Variants in OTULINL observed in about 807,000 individuals in gnomAD.
OTULINL encodes the protein inactive ubiquitin thioesterase OTULINL.
A neutral mutation model predicts 43.9 loss-of-function variants in OTULINL; 42 were observed. That is an observed-to-expected ratio of 0.96 (90% CI 0.75 to 1.24). The LOEUF is 1.24. Ranked by LOEUF, OTULINL falls within the 50% of genes most tolerant of loss-of-function variation. The pLI is 0.00. For synonymous variants in OTULINL, 172 were observed against 153.6 expected (o/e 1.12, Z -0.88); for missense variants, 411 against 426.4 (o/e 0.96, Z 0.32).
Position 14,601,260 on chromosome 5 carries a change from C to A in OTULINL, c.256+16C>A, listed in dbSNP as rs1053941057. On this transcript the variant is annotated intron_variant, in intron 3 of 7. Transcript: ENST00000274217. ...AAATTCAAAAGTAAATATTTTCATT[C>A]ATTTATTTCTTTATTTTTAAGGTGC... The A allele has an allele frequency of 1.9e-6, 3 of 1,609,428 alleles. No homozygotes were observed. Among genetic ancestry groups the A allele is most frequent in the African/African-American group, 1.3e-5 (1 of 74,614 alleles).
At chr5:14,593,597 A>G (rs762120560) in intron 1 of OTULINL, among the ~76,000 whole-genome samples, 1 of 152,236 alleles carries the variant, frequency 6.6e-6, no homozygotes, top group Non-Finnish European at 1.5e-5. Flanking sequence ...AGCCTATCCC[A>G]TCTATAGCTT....
intron 5 of OTULINL, 67 bp from the exon 6 acceptor site, chr5:14,607,263 A>G (rs1028478458): frequency 2.0e-5 from 31 of 1,528,514 alleles, no homozygotes; most frequent in Admixed American, 1.8e-4. Flanking sequence ...GTGCTGTGCT[A>G]TACAGCAAAT....
At chr5:14,585,049 A>G (rs1759083213) in intron 1 of OTULINL, among the ~76,000 whole-genome samples, 1 of 152,138 alleles carries the variant, frequency 6.6e-6, no homozygotes, top group Non-Finnish European at 1.5e-5. Context: ...TTCCCTCCGC[A>G]TGCACTGCCA....
chr5:14,589,761 G>A (rs1759166697), intron 1 of OTULINL, among the ~76,000 whole-genome samples: 1 of 152,082 alleles, frequency 6.6e-6, no homozygotes, highest in African/African-American at 2.4e-5. Flanking sequence ...GACCAGCCTG[G>A]CCAACATGGT....
intron 1 of OTULINL, among the ~76,000 whole-genome samples, chr5:14,585,855 G>A (rs567467880): frequency 6.6e-6 from 1 of 152,198 alleles, no homozygotes; most frequent in East Asian, 1.9e-4. Context: ...CAGAGTTCTA[G>A]CTTCTACCTG....
chr5:14,610,005 C>A, intron 7 of OTULINL, 136 bp from the exon 8 acceptor site: 1 of 647,874 alleles, frequency 1.5e-6, no homozygotes, highest in Non-Finnish European at 2.7e-6. Context: ...ACTCTGTGCC[C>A]ACTCAGTGGT....
At chr5:14,598,298 C>T (rs1759326568) in intron 1 of OTULINL, among the ~76,000 whole-genome samples, 1 of 152,168 alleles carries the variant, frequency 6.6e-6, no homozygotes. Flanking sequence ...AAAAGGCCTT[C>T]AGAGAAGAAG....
intron 1 of OTULINL, among the ~76,000 whole-genome samples, chr5:14,593,322 G>C (rs1759235891): frequency 6.6e-6 from 1 of 152,170 alleles, no homozygotes; most frequent in African/African-American, 2.4e-5. Flanking sequence ...TTTATATTCA[G>C]ATAGTGCTTT....
chr5:14,587,702 C>G (rs901262990), intron 1 of OTULINL, among the ~76,000 whole-genome samples: 1 of 152,128 alleles, frequency 6.6e-6, no homozygotes, highest in Non-Finnish European at 1.5e-5. Context: ...TGGTATATCC[C>G]TCTATTTTTG....
rs1759595280 is a variant in OTULINL at position 14,612,352 on chromosome 5, A to G, written c.*2038A>G. ...AGTGTAATTATTTCCACATCAATCC[A>G]GGACTGAAAGGAAAAATTTTTTCAC... On this transcript the variant is annotated 3_prime_UTR_variant, in exon 8 of 8. Coordinates refer to ENST00000274217, the MANE Select transcript of OTULINL (RefSeq NM_019018.3). 1 of 152,210 alleles carries G rather than the reference A, an allele frequency of 6.6e-6. No homozygotes were observed. The highest frequency in any genetic ancestry group is 6.5e-5 in the Admixed American group (1 of 15,290). The allele number at this position is 152,210 out of a possible 1,614,324, so 9.4% of individuals were successfully genotyped here.
rs1759656778 is a variant in OTULINL at position 14,615,398 on chromosome 5, A to G, written c.*5084A>G. ...TGGGTGCCGGCTTTTCTGCTGGACTAAGATTCATGGAAAGAACCCCAGGGC... is the reference window on the plus strand; with the variant it reads ...TGGGTGCCGGCTTTTCTGCTGGACTGAGATTCATGGAAAGAACCCCAGGGC... On this transcript the variant is annotated 3_prime_UTR_variant, in exon 8 of 8. Transcript: ENST00000274217. Among the ~76,000 whole-genome samples, 1 of 152,158 alleles carries G rather than the reference A, an allele frequency of 6.6e-6. No individual in the cohort carries two copies. Among genetic ancestry groups the G allele is most frequent in the Non-Finnish European group, 1.5e-5 (1 of 68,002 alleles).
In OTULINL at chr5:14,613,897, C is replaced by T. The variant is rs1024203102; in HGVS notation, c.*3583C>T. 3.9e-5 allele frequency among the ~76,000 whole-genome samples: 6 copies of T among 152,174 alleles called. No homozygotes were observed. Among genetic ancestry groups the T allele is most frequent in the African/African-American group, 1.4e-4 (6 of 41,450 alleles). On this transcript the variant is annotated 3_prime_UTR_variant, in exon 8 of 8. Transcript: ENST00000274217. The stretch of plus-strand genomic sequence containing the variant: ...TGGGTATTGGATGGAAATATTTGTT[C>T]TCAGTCAGATGAGTTTCTCCTATTT...
Position 14,610,386 on chromosome 5 carries a change from A to G in OTULINL, c.*72A>G. 1 of 1,502,944 alleles carries G rather than the reference A, an allele frequency of 6.7e-7. No individual in the cohort carries two copies. The highest frequency in any genetic ancestry group is 9.1e-7 in the Non-Finnish European group (1 of 1,097,276). The allele number at this position is 1,502,944 out of a possible 1,614,324, so 93.1% of individuals were successfully genotyped here. A position where few individuals can be genotyped will look rare whatever the true frequency, so the allele number is the denominator to read the frequency against. On this transcript the variant is annotated 3_prime_UTR_variant, in exon 8 of 8. Coordinates refer to ENST00000274217, the MANE Select transcript of OTULINL (RefSeq NM_019018.3). Reference sequence around the variant, plus strand: ...AGTTGCAATAAAGTCTCTCTCTGAAACCAAAGCTAGCATTTCAGCATGGAA... The same window carrying G: ...AGTTGCAATAAAGTCTCTCTCTGAAGCCAAAGCTAGCATTTCAGCATGGAA...
At position 14,616,120 on chromosome 5, in the gene OTULINL, G is replaced by T. The variant is rs1759668180; in HGVS notation, c.*5806G>T. On this transcript the variant is annotated 3_prime_UTR_variant, in exon 8 of 8. Transcript: ENST00000274217. ...TTATAAAAGTTTCTAAACACTTTCA[G>T]TTTCTGTACTTAATCTTGCAGTGTG... Among the ~76,000 whole-genome samples, 1 of 152,158 alleles carries T rather than the reference G, an allele frequency of 6.6e-6. No individual in the cohort carries two copies. The highest frequency in any genetic ancestry group is 6.5e-5 in the Admixed American group (1 of 15,274).
rs1246926971 is a variant in OTULINL, at chr5:14,614,240, TTAAC to T, written c.*3928_*3931del. 6.6e-6 allele frequency among the ~76,000 whole-genome samples: 1 copy of T among 152,214 alleles called. No individual in the cohort carries two copies. Among genetic ancestry groups the T allele is most frequent in the Non-Finnish European group, 1.5e-5 (1 of 68,046 alleles). ...TATGTCTTTTCATGCATCTGAAACT[TTAAC>T]TGTCTATAGGGTTGCTTGTCATAGT... On this transcript the variant is annotated 3_prime_UTR_variant, in exon 8 of 8. Transcript: ENST00000274217.
At chr5:14,584,834 T>A (rs1381210591) in intron 1 of OTULINL, among the ~76,000 whole-genome samples, 1 of 152,194 alleles carries the variant, frequency 6.6e-6, no homozygotes, top group African/African-American at 2.4e-5. Context: ...TAGGCACAAC[T>A]GTATGTATGA....
intron 5 of OTULINL, 21 bp from the exon 6 acceptor site, chr5:14,607,309 G>T: frequency 6.2e-7 from 1 of 1,611,934 alleles, no homozygotes; most frequent in South Asian, 1.1e-5. Context: ...AATCATAGTT[G>T]GCATCTACTT....
In OTULINL at chr5:14,614,362, A is replaced by C. The variant is rs140582049; in HGVS notation, c.*4048A>C. Reference sequence around the variant, plus strand: ...TAAAGTTTTAATTATTTAATTGACAAATTAGCTATTCATTTTCCTTCAAAT... The same window carrying C: ...TAAAGTTTTAATTATTTAATTGACACATTAGCTATTCATTTTCCTTCAAAT... On this transcript the variant is annotated 3_prime_UTR_variant, in exon 8 of 8. Transcript: ENST00000274217. Among the ~76,000 whole-genome samples, 382 of 152,300 alleles carry C rather than the reference A, an allele frequency of 2.5e-3. 3 individuals are homozygous for C. The highest frequency in any genetic ancestry group is 8.6e-3 in the African/African-American group (358 of 41,560).
At chr5:14,586,514 A>G (rs1358052633) in intron 1 of OTULINL, among the ~76,000 whole-genome samples, 2 of 152,248 alleles carry the variant, frequency 1.3e-5, no homozygotes, top group Non-Finnish European at 2.9e-5. Context: ...ATAAAATGCT[A>G]TGCTTGATGA....
Sources: allele counts gnomAD v4.1 joint callset (sites outside exome capture counted in the v4.1 genomes callset), GRCh38; gene constraint gnomAD v4.1.1; transcripts MANE v1.5; gene names NCBI Gene and HGNC (gene_info 2026-07-23, HGNC 2026-07-21).